The following NRCAM variants were observed in gnomAD, a reference collection of about 807,000 sequenced individuals.
The protein encoded by NRCAM is NgCAM-related cell adhesion molecule.
NRCAM carries 83 observed loss-of-function variants against 156.5 expected under a neutral mutation model. The ratio of observed to expected loss-of-function variants is 0.53; its 90% CI spans 0.44 to 0.64. NRCAM has a LOEUF of 0.64. Among genes scored for constraint, NRCAM ranks in the 30% least tolerant of loss-of-function variants. The probability of loss-of-function intolerance (pLI) is 0.00; values close to 1 mark genes in which losing one functional copy is unlikely to be tolerated. For synonymous variants in NRCAM, 538 were observed against 563.9 expected, an observed-to-expected ratio of 0.95 and a Z score of 0.65; for missense variants, 1,417 against 1,597.3, an observed-to-expected ratio of 0.89 and a Z score of 1.92.
At chr7:108,327,685 C>T (rs1000916358) in intron 2 of NRCAM, among the ~76,000 whole-genome samples, 2 of 152,088 alleles carry the variant, frequency 1.3e-5, no homozygotes, top group African/African-American at 4.8e-5. Flanking sequence ...CTAACACATC[C>T]AATTATGATA....
intron 2 of NRCAM, among the ~76,000 whole-genome samples, chr7:108,394,090 C>T (rs1298099260): frequency 6.6e-6 from 1 of 152,184 alleles, no homozygotes; most frequent in Non-Finnish European, 1.5e-5. Context: ...AGTCAAGAGC[C>T]TTTGTGTTCC....
intron 2 of NRCAM, among the ~76,000 whole-genome samples, chr7:108,330,581 TG>T (rs1479668125): frequency 6.6e-6 from 1 of 152,180 alleles, no homozygotes; most frequent in Non-Finnish European, 1.5e-5. Flanking sequence ...ATAGAGGTAC[TG>T]GGTTTAACAG....
At chr7:108,308,122 C>A (rs940758725) in intron 3 of NRCAM, among the ~76,000 whole-genome samples, 2 of 152,158 alleles carry the variant, frequency 1.3e-5, no homozygotes, top group Admixed American at 6.6e-5. Context: ...ATAAGGGATG[C>A]CATTTATAAC....
At chr7:108,421,345 T>C (rs1809489702) in intron 1 of NRCAM, among the ~76,000 whole-genome samples, 1 of 152,314 alleles carries the variant, frequency 6.6e-6, no homozygotes, top group Non-Finnish European at 1.5e-5. Context: ...GTATTGCCTA[T>C]AATATCACAT....
At position 108,363,610 on chromosome 7, in the gene NRCAM, G is replaced by A. The variant is rs186819812; in HGVS notation, c.-174+35826C>T. On this transcript the variant is annotated intron_variant, in intron 2 of 32. Transcript: ENST00000379028. ...ACTTCCTTCCAAAGAGTACAGTATG[G>A]AAGGATTGGGTAGTCTCTTTACAGT... Among the ~76,000 whole-genome samples the A allele has an allele frequency of 1.5e-4, 23 of 152,270 alleles. No individual in the cohort carries two copies. In the East Asian group the frequency reaches 4.1e-3, roughly 27 times the overall value.
intron 2 of NRCAM, among the ~76,000 whole-genome samples, chr7:108,371,229 C>T (rs1203458727): frequency 6.6e-6 from 1 of 152,126 alleles, no homozygotes; most frequent in Non-Finnish European, 1.5e-5. Flanking sequence ...GTCATAAAAA[C>T]ACGTTAGTGT....
chr7:108,201,113 T>C (rs933312765), intron 13 of NRCAM, among the ~76,000 whole-genome samples: 1 of 142,806 alleles, frequency 7.0e-6, no homozygotes, highest in African/African-American at 2.6e-5. Flanking sequence ...TGCCCAAAAA[T>C]CTATGGAAAT....
intron 2 of NRCAM, among the ~76,000 whole-genome samples, chr7:108,332,420 T>G (rs755359085): frequency 4.6e-5 from 7 of 152,336 alleles, no homozygotes; most frequent in African/African-American, 9.6e-5. Flanking sequence ...AAATTTGCTT[T>G]TTTGTGAAGA....
At chr7:108,234,861 T>C (rs1192612306) in intron 5 of NRCAM, 173 bp from the exon 6 acceptor site, 1 of 753,214 alleles carries the variant, frequency 1.3e-6, no homozygotes, top group Non-Finnish European at 2.4e-6. Flanking sequence ...AAAGGTCTGC[T>C]AAAACTGTGA....
At chr7:108,277,990 C>A (rs898882945) in intron 3 of NRCAM, among the ~76,000 whole-genome samples, 10 of 152,202 alleles carry the variant, frequency 6.6e-5, no homozygotes, top group African/African-American at 2.4e-4. Flanking sequence ...CTCTAACAGG[C>A]CCCTCCGCTG....
intron 2 of NRCAM, among the ~76,000 whole-genome samples, chr7:108,392,061 C>T (rs2099762024): frequency 6.6e-6 from 1 of 152,110 alleles, no homozygotes; most frequent in Non-Finnish European, 1.5e-5. Context: ...CTTGGAGTTG[C>T]TCTTCTCAAG....
intron 24 of NRCAM, 89 bp downstream of exon 24, chr7:108,181,733 A>T: frequency 1.3e-6 from 1 of 762,386 alleles, no homozygotes; most frequent in East Asian, 2.9e-5. Context: ...AATGAAACAA[A>T]TAAGCCCCAC....
intron 1 of NRCAM, among the ~76,000 whole-genome samples, chr7:108,434,076 C>A (rs10264851): frequency 0.9 from 137,032 of 152,242 alleles, 62,114 homozygotes; most frequent in East Asian, 1. Flanking sequence ...TGACCAAAGG[C>A]ACTCAAAAAT....
intron 2 of NRCAM, among the ~76,000 whole-genome samples, chr7:108,315,347 TA>T (rs1243673540): frequency 1.3e-5 from 2 of 152,132 alleles, no homozygotes; most frequent in East Asian, 1.9e-4. Context: ...GAAAAAAGGA[TA>T]AAAAAACCAC....
chr7:108,251,369 A>T (rs2096336103), intron 3 of NRCAM, among the ~76,000 whole-genome samples: 1 of 152,242 alleles, frequency 6.6e-6, no homozygotes. Flanking sequence ...TTCTTTAAAT[A>T]TATTAAAGGA....
intron 3 of NRCAM, among the ~76,000 whole-genome samples, chr7:108,251,521 C>T (rs2096346943): frequency 6.6e-6 from 1 of 152,160 alleles, no homozygotes; most frequent in Non-Finnish European, 1.5e-5. Context: ...GTCAAATAAT[C>T]CAGCCACCAA....
intron 1 of NRCAM, among the ~76,000 whole-genome samples, chr7:108,447,297 G>A (rs1189821427): frequency 3.3e-5 from 4 of 120,826 alleles, no homozygotes; most frequent in Admixed American, 1.1e-4. Context: ...ACAGCGTCTC[G>A]CTCTATTGCC....
At chr7:108,217,370 G>A (rs563939419) in intron 11 of NRCAM, among the ~76,000 whole-genome samples, 1 of 152,332 alleles carries the variant, frequency 6.6e-6, no homozygotes, top group African/African-American at 2.4e-5. Context: ...CTGCTGGGAG[G>A]TGTCTCCCAG....
intron 15 of NRCAM, among the ~76,000 whole-genome samples, chr7:108,195,015 G>A (rs2074146668): frequency 6.6e-6 from 1 of 152,072 alleles, no homozygotes; most frequent in Non-Finnish European, 1.5e-5. Flanking sequence ...AGGAAGACCT[G>A]GTGCAACAAG....
Sources: allele counts gnomAD v4.1 joint callset (sites outside exome capture counted in the v4.1 genomes callset), GRCh38; gene constraint gnomAD v4.1.1; transcripts MANE v1.5; gene names NCBI Gene and HGNC (gene_info 2026-07-23, HGNC 2026-07-21).